TLL1: variants seen among roughly 807,000 people sequenced by gnomAD.
TLL1 encodes the protein tolloid like 1.
Under a neutral mutation model 128.2 loss-of-function variants are expected in TLL1, and 49 were observed. That is an observed-to-expected ratio of 0.38 (90% CI 0.30 to 0.48). The LOEUF (loss-of-function observed/expected upper bound fraction) is 0.48. TLL1 is among the 20% of genes least tolerant of loss of function. TLL1 has a pLI of 0.96. For missense variants in TLL1, 1,123 were observed against 1,242.0 expected (o/e 0.90, Z 1.44); for synonymous variants, 454 against 418.8 (o/e 1.08, Z -1.03).
intron 1 of TLL1, among the ~76,000 whole-genome samples, chr4:165,881,552 C>A (rs1394092011): frequency 6.6e-6 from 1 of 152,066 alleles, no homozygotes; most frequent in Non-Finnish European, 1.5e-5. Flanking sequence ...AGTGTTCTTG[C>A]GTTTTTATAA....
intron 13 of TLL1, among the ~76,000 whole-genome samples, chr4:166,055,535 C>G (rs1739965260): frequency 6.6e-6 from 1 of 152,038 alleles, no homozygotes; most frequent in African/African-American, 2.4e-5. Flanking sequence ...AAAGGATATA[C>G]AGACAGAAAG....
At chr4:165,895,238 C>T (rs898399712) in intron 1 of TLL1, among the ~76,000 whole-genome samples, 3 of 152,024 alleles carry the variant, frequency 2.0e-5, no homozygotes, top group Non-Finnish European at 4.4e-5. Context: ...GTGTGACTGT[C>T]TATGTGGAAA....
intron 1 of TLL1, among the ~76,000 whole-genome samples, chr4:165,985,997 G>A (rs6856186): frequency 0.059 from 8,984 of 151,464 alleles, 875 homozygotes; most frequent in African/African-American, 0.2. Context: ...TCCTAGTATC[G>A]TCCCAATAAC....
chr4:166,095,637 T>G (rs1741982961), intron 19 of TLL1, among the ~76,000 whole-genome samples: 1 of 152,110 alleles, frequency 6.6e-6, no homozygotes, highest in Non-Finnish European at 1.5e-5. Context: ...AATTGGAATG[T>G]TCACTAAAAG....
chr4:165,884,690 G>A (rs770023787), intron 1 of TLL1, among the ~76,000 whole-genome samples: 1 of 152,242 alleles, frequency 6.6e-6, no homozygotes, highest in East Asian at 1.9e-4. Flanking sequence ...ACAAAAATTA[G>A]CCAGGCATGG....
chr4:166,003,302 C>T, intron 5 of TLL1, 89 bp from the exon 6 acceptor site: 2 of 1,321,878 alleles, frequency 1.5e-6, no homozygotes, highest in Non-Finnish European at 2.2e-6. Context: ...CTTTATAGCT[C>T]ATCACTATTC....
In TLL1 at chr4:165,873,875, C is replaced by A; in HGVS notation, c.-30C>A. ...CCGCGGCTGCCTAACCTCTGGGTCCCGTCCCCTCCTTTTCCTCCGGGGGAG... is the reference window on the plus strand; with the variant it reads ...CCGCGGCTGCCTAACCTCTGGGTCCAGTCCCCTCCTTTTCCTCCGGGGGAG... On this transcript the variant is annotated 5_prime_UTR_variant, in exon 1 of 21. Coordinates refer to ENST00000061240, the MANE Select transcript of TLL1 (RefSeq NM_012464.5). 3 of 1,612,632 alleles carry A rather than the reference C, an allele frequency of 1.9e-6. No individual in the cohort carries two copies. Among genetic ancestry groups the A allele is most frequent in the Non-Finnish European group, 2.5e-6 (3 of 1,179,900 alleles).
intron 6 of TLL1, among the ~76,000 whole-genome samples, chr4:166,006,849 A>G (rs1737459511): frequency 6.6e-6 from 1 of 151,758 alleles, no homozygotes; most frequent in Non-Finnish European, 1.5e-5. Context: ...TCTCAAGTGA[A>G]TACCCCACAT....
At chr4:166,009,905 T>A (rs1287271313) in intron 7 of TLL1, among the ~76,000 whole-genome samples, 2 of 151,372 alleles carry the variant, frequency 1.3e-5, no homozygotes, top group Non-Finnish European at 3.0e-5. Flanking sequence ...ATATTGACAT[T>A]ACTGTAAAAC....
At chr4:166,004,947 G>GGT (rs1435742158) in intron 6 of TLL1, among the ~76,000 whole-genome samples, 3 of 148,602 alleles carry the variant, frequency 2.0e-5, no homozygotes, top group Non-Finnish European at 4.5e-5. Context: ...ACTGGGTGGT[G>GGT]GCGGGGGGGT....
chr4:166,020,741 C>T (rs1048537373), intron 8 of TLL1, among the ~76,000 whole-genome samples: 1 of 152,116 alleles, frequency 6.6e-6, no homozygotes. Context: ...ACTATTGTCC[C>T]TAATATTCTC....
At chr4:166,017,330 A>G (rs115749158) in intron 8 of TLL1, among the ~76,000 whole-genome samples, 1,813 of 152,042 alleles carry the variant, frequency 0.012, 47 homozygotes, top group African/African-American at 0.04. Context: ...TCTTTATTCA[A>G]TCCACCAGTG....
chr4:166,024,326 G>A (rs147829998), intron 8 of TLL1, among the ~76,000 whole-genome samples: 129 of 152,174 alleles, frequency 8.5e-4, no homozygotes, highest in African/African-American at 2.9e-3. Context: ...AATTTATTGA[G>A]GAGTTGATGA....
chr4:165,943,110 CA>C (rs1734092591), intron 1 of TLL1, among the ~76,000 whole-genome samples: 1 of 151,944 alleles, frequency 6.6e-6, no homozygotes, highest in Admixed American at 6.6e-5. Flanking sequence ...AGATTAACTC[CA>C]TTATTCATTT....
chr4:166,003,212 G>A (rs1031551199), intron 5 of TLL1, among the ~76,000 whole-genome samples, 179 bp from the exon 6 acceptor site: 2 of 152,174 alleles, frequency 1.3e-5, no homozygotes, highest in African/African-American at 2.4e-5. Context: ...GGAAGCTTTT[G>A]TTGAACTTAA....
rs1249581340 is a variant in TLL1 at position 165,989,401 on chromosome 4, G to A, written c.190G>A (p.Ala64Thr). ...CKAAVFWGDIALDDEDLNIFQ... is the reference protein window; with the variant it reads ...CKAAVFWGDITLDDEDLNIFQ... ...TTTAGCTGTATTTTGGGGCGATATT[G>A]CCTTAGATGATGAAGACTTAAATAT... Residue 64 changes from alanine to threonine, a missense_variant, in exon 2 of 21, where the codon GCC (alanine) becomes ACC (threonine). Transcript: ENST00000061240. 1.2e-6 allele frequency: 2 copies of A among 1,612,304 alleles called. No individual in the cohort carries two copies. Among genetic ancestry groups the A allele is most frequent in the Admixed American group, 3.3e-5 (2 of 59,820 alleles).
chr4:165,954,111 G>A (rs1561051718), intron 1 of TLL1, among the ~76,000 whole-genome samples: 1 of 151,814 alleles, frequency 6.6e-6, no homozygotes, highest in Admixed American at 6.6e-5. Flanking sequence ...TCAAATAATG[G>A]CTGGCTTCAT....
intron 18 of TLL1, among the ~76,000 whole-genome samples, chr4:166,079,122 A>G (rs964067829): frequency 3.9e-5 from 6 of 152,188 alleles, no homozygotes; most frequent in African/African-American, 1.2e-4. Context: ...CTGAAATGAC[A>G]GCACTAGAGG....
intron 1 of TLL1, among the ~76,000 whole-genome samples, chr4:165,985,107 G>T (rs1011663375): frequency 2.6e-5 from 4 of 151,948 alleles, no homozygotes; most frequent in Non-Finnish European, 5.9e-5. Flanking sequence ...ATTAAGGTGA[G>T]CAATACATAC....
Sources: gnomAD v4.1 joint callset for allele counts (sites outside exome capture counted in the v4.1 genomes callset) on GRCh38, gnomAD v4.1.1 for gene constraint, MANE v1.5 for transcripts, NCBI Gene and HGNC (gene_info 2026-07-23, HGNC 2026-07-21) for gene names.